The following TSPAN14 variants were observed in gnomAD, a reference collection of about 807,000 sequenced individuals.
TSPAN14 encodes tetraspanin 14, also known as tetraspanin-14.
In TSPAN14, 16 loss-of-function variants were observed where a neutral mutation model predicts 36.6. That is an observed-to-expected ratio of 0.44 (90% CI 0.30 to 0.66). The LOEUF (loss-of-function observed/expected upper bound fraction) is 0.66, where lower values mean the gene tolerates loss of function less well. Among genes scored for constraint, TSPAN14 ranks in the 30% least tolerant of loss-of-function variants. The probability of loss-of-function intolerance (pLI) is 0.12; values close to 1 mark genes in which losing one functional copy is unlikely to be tolerated. For missense variants in TSPAN14, 231 were observed against 355.1 expected (o/e 0.65, Z 2.81); for synonymous variants, 139 against 143.8 (o/e 0.97, Z 0.24).
chr10:80,497,172 A>C (rs993658964), intron 2 of TSPAN14, among the ~76,000 whole-genome samples: 1 of 152,176 alleles, frequency 6.6e-6, no homozygotes, highest in African/African-American at 2.4e-5. Flanking sequence ...GGGATATATA[A>C]TTTGTGTTAT....
At chr10:80,474,970 C>T (rs1255841975) in intron 1 of TSPAN14, among the ~76,000 whole-genome samples, 2 of 152,174 alleles carry the variant, frequency 1.3e-5, no homozygotes, top group Non-Finnish European at 2.9e-5. Flanking sequence ...TTCCACATTT[C>T]CAGCAAGCTC....
intron 1 of TSPAN14, among the ~76,000 whole-genome samples, chr10:80,460,141 A>G (rs1430342304): frequency 6.6e-6 from 1 of 152,142 alleles, no homozygotes; most frequent in Admixed American, 6.5e-5. Flanking sequence ...TAGAGGGGAG[A>G]GAGTGGGCCA....
chr10:80,460,432 G>T (rs534403610), intron 1 of TSPAN14, among the ~76,000 whole-genome samples: 1 of 152,290 alleles, frequency 6.6e-6, no homozygotes, highest in East Asian at 1.9e-4. Context: ...GGAACCCTAG[G>T]TCAGGACCAG....
intron 1 of TSPAN14, among the ~76,000 whole-genome samples, chr10:80,458,296 G>A (rs1346303635): frequency 6.6e-6 from 1 of 152,144 alleles, no homozygotes; most frequent in African/African-American, 2.4e-5. Flanking sequence ...CTAGATCCCT[G>A]GTCTGTAGAA....
At chr10:80,458,192 C>T (rs950881213) in intron 1 of TSPAN14, among the ~76,000 whole-genome samples, 3 of 151,876 alleles carry the variant, frequency 2.0e-5, no homozygotes, top group African/African-American at 4.8e-5. Flanking sequence ...TTGTGGGACT[C>T]GGGGATTGAG....
In TSPAN14 at chr10:80,511,725, TC is replaced by T. The variant is rs1840645939; in HGVS notation, c.451-418del. Among the ~76,000 whole-genome samples the T allele has an allele frequency of 1.6e-3, 158 of 97,256 alleles. 2 individuals carry two copies. The highest frequency in any genetic ancestry group is 7.2e-3 in the East Asian group (31 of 4,292). The allele number at this position is 97,256 out of a possible 152,430, so 63.8% of individuals were successfully genotyped here. A position where few individuals can be genotyped will look rare whatever the true frequency, so the allele number is the denominator to read the frequency against. On this transcript the variant is annotated intron_variant, in intron 5 of 8. Coordinates refer to ENST00000429989, the Ensembl canonical transcript of TSPAN14. ...AAAGGGCAGGTCCTCTCTCTCTCTC[TC>T]TCTCTCTCTCTCTCTCTCTCTCTCT...
At chr10:80,496,405 C>G (rs906944126) in intron 2 of TSPAN14, among the ~76,000 whole-genome samples, 1 of 152,208 alleles carries the variant, frequency 6.6e-6, no homozygotes, top group Non-Finnish European at 1.5e-5. Context: ...CTCCCACCTC[C>G]AGGCTGACTT....
chr10:80,509,642 C>A lies in TSPAN14; in HGVS notation c.450+171C>A. ...CCACCTCTGGTCTGTTCCACTTTGC[C>A]GGCTTGTGGTTGCCTGGTGGGCCAG... On this transcript the variant is annotated intron_variant, in intron 5 of 8. Coordinates refer to ENST00000429989, the Ensembl canonical transcript of TSPAN14. The surrounding 1 kb of genome is among the most constrained non-coding windows in gnomAD (Gnocchi z 4.7). 1 of 702,032 alleles carries A rather than the reference C, an allele frequency of 1.4e-6. No homozygotes were observed. Among genetic ancestry groups the A allele is most frequent in the Non-Finnish European group, 2.3e-6 (1 of 440,266 alleles). 43.5% of individuals were successfully genotyped at this position (702,032 alleles called of 1,614,324 possible).
At chr10:80,480,925 T>TATA (rs1373005264) in intron 1 of TSPAN14, among the ~76,000 whole-genome samples, 1 of 151,958 alleles carries the variant, frequency 6.6e-6, no homozygotes, top group African/African-American at 2.4e-5. Flanking sequence ...AAACTTAAAG[T>TATA]ATAATAATAA....
At chr10:80,475,972 G>T (rs1846855343) in intron 1 of TSPAN14, among the ~76,000 whole-genome samples, 1 of 152,200 alleles carries the variant, frequency 6.6e-6, no homozygotes, top group South Asian at 2.1e-4. Context: ...AAAATCCATA[G>T]ATGCTCAAGT....
chr10:80,484,847 T>C (rs1847502434), intron 1 of TSPAN14, among the ~76,000 whole-genome samples: 1 of 152,190 alleles, frequency 6.6e-6, no homozygotes, highest in Non-Finnish European at 1.5e-5. Flanking sequence ...GAAAACCCTG[T>C]TCTCTGGGTG....
chr10:80,493,648 A>C (rs1848040385), intron 2 of TSPAN14, among the ~76,000 whole-genome samples: 2 of 152,360 alleles, frequency 1.3e-5, no homozygotes, highest in South Asian at 4.1e-4. Context: ...AGCTAGATGC[A>C]AAAAGACAAA....
Position 80,492,740 on chromosome 10 carries a change from C to T in TSPAN14, c.81+3426C>T, listed in dbSNP as rs542603012. 3.3e-5 allele frequency among the ~76,000 whole-genome samples: 5 copies of T among 151,976 alleles called. No individual in the cohort carries two copies. The South Asian group carries it at 6.2e-4, about 19-fold the overall frequency. ...CTGAGGCAGGAGAATGGCGTGAACC[C>T]GGGAGGCGGAGCTTGCAGTGAGCCA... On this transcript the variant is annotated intron_variant, in intron 2 of 8. Transcript: ENST00000429989.
intron 1 of TSPAN14, among the ~76,000 whole-genome samples, chr10:80,458,045 GTC>G (rs1235204520): frequency 1.3e-5 from 2 of 152,190 alleles, no homozygotes; most frequent in Admixed American, 1.3e-4. Flanking sequence ...CCTGCTGCCT[GTC>G]TCTGCCCTGC....
chr10:80,495,138 G>A (rs1340415519), intron 2 of TSPAN14, among the ~76,000 whole-genome samples: 7 of 152,146 alleles, frequency 4.6e-5, no homozygotes, highest in Non-Finnish European at 1.0e-4. Flanking sequence ...CCTAGATAAG[G>A]ATGCAGTGAT....
rs180866775 is a variant in TSPAN14 at position 80,457,371 on chromosome 10, T to G, written c.-18+3000T>G. ...ACCCAGCTAATTTTTGTATTTTTAG[T>G]AGAGATGGGGTTTCACCATGTTGGC... On this transcript the variant is annotated intron_variant, in intron 1 of 8. Coordinates refer to ENST00000429989, the Ensembl canonical transcript of TSPAN14. Among the ~76,000 whole-genome samples, 495 of 152,110 alleles carry G rather than the reference T, an allele frequency of 3.3e-3. 3 individuals are homozygous for G. Among genetic ancestry groups the G allele is most frequent in the African/African-American group, 0.011 (451 of 41,518 alleles).
intron 1 of TSPAN14, among the ~76,000 whole-genome samples, chr10:80,469,071 G>A (rs987985966): frequency 5.9e-5 from 9 of 152,078 alleles, no homozygotes; most frequent in Non-Finnish European, 1.2e-4. Flanking sequence ...TCGGTGCCGG[G>A]GATGTCTTGG....
At chr10:80,484,348 C>A (rs748817964) in intron 1 of TSPAN14, among the ~76,000 whole-genome samples, 1 of 151,394 alleles carries the variant, frequency 6.6e-6, no homozygotes, top group Non-Finnish European at 1.5e-5. Context: ...TTTTAAAGAC[C>A]GGGTCTTGCT....
At position 80,478,625 on chromosome 10, in the gene TSPAN14, A is replaced by C. The variant is rs562859298; in HGVS notation, c.-17-10592A>C. ...GAAACAGGTCAAATACAGAGATCAG[A>C]AATCTGAGTGGTTTCGGGCTTCTCA... On this transcript the variant is annotated intron_variant, in intron 1 of 8. Transcript: ENST00000429989. Among the ~76,000 whole-genome samples, 268 of 152,340 alleles carry C rather than the reference A, an allele frequency of 1.8e-3. 1 individual carries two copies. Among genetic ancestry groups the C allele is most frequent in the African/African-American group, 6.3e-3 (260 of 41,564 alleles).
Sources: allele counts gnomAD v4.1 joint callset (sites outside exome capture counted in the v4.1 genomes callset), GRCh38; gene constraint gnomAD v4.1.1; non-coding constraint Gnocchi (gnomAD v3.1); transcripts MANE v1.5; gene names NCBI Gene and HGNC (gene_info 2026-07-23, HGNC 2026-07-21).